The following CLIC4 variants were observed in gnomAD, a reference collection of about 807,000 sequenced individuals.
CLIC4 encodes the protein chloride intracellular channel protein 4.
In CLIC4, 13 loss-of-function variants were observed where a neutral mutation model predicts 24.6. The ratio of observed to expected loss-of-function variants is 0.53; its 90% CI spans 0.34 to 0.84. The LOEUF (loss-of-function observed/expected upper bound fraction) is 0.84. Among genes scored for constraint, CLIC4 ranks in the 40% least tolerant of loss-of-function variants. The probability of loss-of-function intolerance (pLI) is 0.01; values close to 1 mark genes in which losing one functional copy is unlikely to be tolerated. For missense variants in CLIC4, 227 were observed against 301.7 expected (o/e 0.75, Z 1.83); for synonymous variants, 104 against 111.3 (o/e 0.93, Z 0.41).
chr1:24,830,490 C>T (rs776766109), intron 4 of CLIC4, among the ~76,000 whole-genome samples: 1 of 151,474 alleles, frequency 6.6e-6, no homozygotes, highest in Admixed American at 6.6e-5. Flanking sequence ...AACAATGCTG[C>T]TGGTGAATGT....
intron 1 of CLIC4, among the ~76,000 whole-genome samples, chr1:24,797,243 C>T (rs972473747): frequency 1.3e-5 from 2 of 151,608 alleles, no homozygotes; most frequent in Admixed American, 6.6e-5. Flanking sequence ...TGTGCCACCA[C>T]GCCTGGCCCT....
At chr1:24,770,307 G>GA (rs35742055) in intron 1 of CLIC4, among the ~76,000 whole-genome samples, 4,493 of 126,012 alleles carry the variant, frequency 0.036, 65 homozygotes, top group Non-Finnish European at 0.038. Context: ...GAGGTTGGTA[G>GA]AAAAAAAAAA....
At chr1:24,748,501 T>TTG (rs1400317552) in intron 1 of CLIC4, among the ~76,000 whole-genome samples, 1 of 129,982 alleles carries the variant, frequency 7.7e-6, no homozygotes, top group African/African-American at 3.3e-5. Flanking sequence ...GGTTTTTTGT[T>TTG]TTTTTTTTTT....
intron 1 of CLIC4, among the ~76,000 whole-genome samples, chr1:24,753,553 T>C (rs978597338): frequency 6.6e-6 from 1 of 152,092 alleles, no homozygotes; most frequent in African/African-American, 2.4e-5. Context: ...GTTTTGACAT[T>C]ATGTGGAAAC....
At chr1:24,752,191 A>G (rs547742998) in intron 1 of CLIC4, among the ~76,000 whole-genome samples, 7 of 152,262 alleles carry the variant, frequency 4.6e-5, no homozygotes, top group African/African-American at 1.7e-4. Flanking sequence ...CTAACTTCTA[A>G]TATCAGGATA....
At chr1:24,784,996 T>A (rs1236895614) in intron 1 of CLIC4, among the ~76,000 whole-genome samples, 2 of 125,550 alleles carry the variant, frequency 1.6e-5, no homozygotes, top group Non-Finnish European at 3.4e-5. Context: ...AGCGCGAGAC[T>A]CTGTCTCAAA....
chr1:24,805,550 C>A (rs528812367), intron 2 of CLIC4, among the ~76,000 whole-genome samples: 3 of 152,194 alleles, frequency 2.0e-5, no homozygotes, highest in African/African-American at 7.2e-5. Flanking sequence ...TGAAAATCAG[C>A]ACCTTCAAAA....
chr1:24,821,989 C>G (rs1239181980), intron 3 of CLIC4, among the ~76,000 whole-genome samples: 4 of 152,154 alleles, frequency 2.6e-5, no homozygotes, highest in Non-Finnish European at 5.9e-5. Flanking sequence ...TGTGGATTAT[C>G]TCTGTTAATC....
At position 24,831,719 on chromosome 1, in the gene CLIC4, A is replaced by G. The variant is rs984730602; in HGVS notation, c.415+4603A>G. Among the ~76,000 whole-genome samples, 3 of 151,972 alleles carry G rather than the reference A, an allele frequency of 2.0e-5. No individual in the cohort carries two copies. The South Asian group carries it at 6.2e-4, about 32-fold the overall frequency. ...AGTGGCACGATCTCGGCTCACTGCA[A>G]CCTCCACCTCCCGGGTTCAAGTGAT... On this transcript the variant is annotated intron_variant, in intron 4 of 5. Coordinates refer to ENST00000374379, the MANE Select transcript of CLIC4 (RefSeq NM_013943.3).
intron 1 of CLIC4, among the ~76,000 whole-genome samples, chr1:24,766,995 A>G (rs1639007515): frequency 6.7e-6 from 1 of 150,302 alleles, no homozygotes; most frequent in East Asian, 1.9e-4. Context: ...TGGGCCACAC[A>G]AAAAATACAC....
At chr1:24,750,769 A>G (rs187923448) in intron 1 of CLIC4, among the ~76,000 whole-genome samples, 12 of 152,340 alleles carry the variant, frequency 7.9e-5, no homozygotes, top group Admixed American at 7.2e-4. Flanking sequence ...GGATATTAGT[A>G]GAACAGTCCT....
intron 3 of CLIC4, among the ~76,000 whole-genome samples, chr1:24,817,331 G>C (rs749258034): frequency 9.2e-5 from 14 of 151,804 alleles, no homozygotes; most frequent in Non-Finnish European, 1.9e-4. Flanking sequence ...TAGATAACTG[G>C]CTGCATGCAG....
In CLIC4 at chr1:24,839,873, T is replaced by C. The variant is rs1487147146; in HGVS notation, c.429T>C (p.Gly143=). 3 of 1,610,814 alleles carry C rather than the reference T, an allele frequency of 1.9e-6. No homozygotes were observed. Among genetic ancestry groups the C allele is most frequent in the East Asian group, 4.5e-5 (2 of 44,854 alleles). Residue 143 remains glycine (G), a synonymous_variant, in exon 5 of 6, where the codon GGT becomes GGC. Transcript: ENST00000374379. ...TTCCCCCCCAAGCACTGGAGAGGGG[T>C]CTCCTGAAAACCCTGCAGAAACTGG... The part of the protein sequence containing the change: ...RPEANEALER[G]LLKTLQKLDE...
At chr1:24,749,303 T>C (rs1638746311) in intron 1 of CLIC4, among the ~76,000 whole-genome samples, 1 of 151,974 alleles carries the variant, frequency 6.6e-6, no homozygotes, top group Admixed American at 6.6e-5. Context: ...AGTGTTAACC[T>C]GCCAAGAGGT....
At chr1:24,761,094 G>A (rs1380803951) in intron 1 of CLIC4, among the ~76,000 whole-genome samples, 4 of 152,162 alleles carry the variant, frequency 2.6e-5, no homozygotes, top group African/African-American at 9.7e-5. Flanking sequence ...AGAAAGAGGA[G>A]TTAAAGATGA....
intron 1 of CLIC4, among the ~76,000 whole-genome samples, chr1:24,748,715 T>G (rs1378028249): frequency 6.6e-6 from 1 of 151,774 alleles, no homozygotes; most frequent in Non-Finnish European, 1.5e-5. Flanking sequence ...GCCAGGCTGG[T>G]CTCAAACTCC....
At position 24,749,388 on chromosome 1, in the gene CLIC4, C is replaced by T. The variant is rs560194268; in HGVS notation, c.72+3763C>T. Reference sequence around the variant, plus strand: ...ATGGAAATTAGAAATTTGGTGGTGGCGCTAGGGGAAAGGCCAAGAGATGTA... The same window carrying T: ...ATGGAAATTAGAAATTTGGTGGTGGTGCTAGGGGAAAGGCCAAGAGATGTA... On this transcript the variant is annotated intron_variant, in intron 1 of 5. Coordinates refer to ENST00000374379, the MANE Select transcript of CLIC4 (RefSeq NM_013943.3). 6.7e-4 allele frequency among the ~76,000 whole-genome samples: 102 copies of T among 152,156 alleles called. 2 individuals carry two copies. Among genetic ancestry groups the T allele is most frequent in the African/African-American group, 2.3e-3 (97 of 41,522 alleles).
intron 3 of CLIC4, among the ~76,000 whole-genome samples, chr1:24,816,244 T>TG (rs1189230611): frequency 6.9e-6 from 1 of 145,842 alleles, no homozygotes; most frequent in Non-Finnish European, 1.5e-5. Context: ...GTTTTTTTTT[T>TG]TTTTTTTTTT....
At chr1:24,805,903 T>C (rs1488189994) in intron 2 of CLIC4, among the ~76,000 whole-genome samples, 1 of 152,224 alleles carries the variant, frequency 6.6e-6, no homozygotes. Flanking sequence ...TTGTTTTTAT[T>C]TCCTTTTCTT....
Sources: gnomAD v4.1 joint callset for allele counts (sites outside exome capture counted in the v4.1 genomes callset) on GRCh38, gnomAD v4.1.1 for gene constraint, MANE v1.5 for transcripts, NCBI Gene and HGNC (gene_info 2026-07-23, HGNC 2026-07-21) for gene names.